NHS: variants seen among roughly 807,000 people sequenced by gnomAD.
NHS encodes actin remodeling regulator NHS.
NHS carries 5 observed loss-of-function variants against 72.5 expected under a neutral mutation model. That is an observed-to-expected ratio of 0.07 (90% CI 0.04 to 0.14). NHS has a LOEUF of 0.14. Ranked by LOEUF, NHS falls within the 10% of genes least tolerant of loss-of-function variation. NHS has a pLI of 1.00. For synonymous variants in NHS, 464 were observed against 547.7 expected, an observed-to-expected ratio of 0.85 and a Z score of 2.13; for missense variants, 1,072 against 1,355.7, an observed-to-expected ratio of 0.79 and a Z score of 3.29.
chrX:17,613,064 C>T (rs1166126506), intron 1 of NHS, among the ~76,000 whole-genome samples: 3 of 108,385 alleles, frequency 2.8e-5, no homozygotes, highest in African/African-American at 6.7e-5. Flanking sequence ...GCAGTAATGA[C>T]GTTGAACAAA....
chrX:17,707,524 G>T (rs1190281984), intron 3 of NHS, among the ~76,000 whole-genome samples: 1 of 111,730 alleles, frequency 9.0e-6, no homozygotes, highest in Non-Finnish European at 1.9e-5. Context: ...TATTGGGAAA[G>T]AAATGAAGGA....
intron 1 of NHS, among the ~76,000 whole-genome samples, chrX:17,606,728 C>T (rs1248422879): frequency 8.9e-6 from 1 of 111,866 alleles, no homozygotes; most frequent in African/African-American, 3.3e-5. Context: ...TTTCAGAAGA[C>T]TGGAGCATGT....
At chrX:17,410,516 C>CTTTTTT (rs200959395) in intron 1 of NHS, among the ~76,000 whole-genome samples, 1 of 82,227 alleles carries the variant, frequency 1.2e-5, no homozygotes, top group Non-Finnish European at 2.3e-5. Context: ...CAACTCTCTG[C>CTTTTTT]TTTTTTTTTT....
intron 1 of NHS, among the ~76,000 whole-genome samples, chrX:17,681,546 C>A (rs1224984931): frequency 9.0e-6 from 1 of 111,422 alleles, no homozygotes; most frequent in Non-Finnish European, 1.9e-5. Flanking sequence ...CAGGACAGGG[C>A]AGCACATCAC....
intron 3 of NHS, among the ~76,000 whole-genome samples, chrX:17,693,494 C>T (rs1226056928): frequency 1.8e-5 from 2 of 111,877 alleles, no homozygotes; most frequent in Non-Finnish European, 3.8e-5. Flanking sequence ...ATTAAAATTG[C>T]GTGTATGACT....
rs374964096 is a variant in NHS at position 17,726,595 on chromosome X, T to C, written c.2489T>C (p.Leu830Ser). The change falls in exon 7 of 9, where the codon TTA becomes TCA. Residue 830 changes from leucine to serine, a missense_variant. Transcript: ENST00000676302. ...GLPDCAWQDY[L>S]DHKRQGRPSI... The stretch of plus-strand genomic sequence containing the variant: ...CCAGATTGTGCCTGGCAGGACTACT[T>C]AGACCACAAGAGGCAGGGAAGACCA... The C allele has an allele frequency of 4.1e-6, 5 of 1,211,897 alleles. No individual in the cohort carries two copies. Among genetic ancestry groups the C allele is most frequent in the Non-Finnish European group, 5.6e-6 (5 of 895,541 alleles).
At chrX:17,546,276 T>C (rs2065292762) in intron 1 of NHS, among the ~76,000 whole-genome samples, 1 of 112,376 alleles carries the variant, frequency 8.9e-6, no homozygotes, top group Admixed American at 9.4e-5. Flanking sequence ...TCCTCCATCC[T>C]GCCATTCTCT....
At chrX:17,378,939 C>T (rs766018927) in intron 1 of NHS, among the ~76,000 whole-genome samples, 17 of 111,818 alleles carry the variant, frequency 1.5e-4, no homozygotes, top group Middle Eastern at 4.7e-3. Flanking sequence ...CAGAGGTCCT[C>T]TGGGGAGGGC....
intron 1 of NHS, among the ~76,000 whole-genome samples, chrX:17,452,250 A>C (rs889670042): frequency 8.9e-6 from 1 of 111,995 alleles, no homozygotes; most frequent in African/African-American, 3.2e-5. Flanking sequence ...AAGGCTTCTC[A>C]AAAGAGGGGA....
Position 17,376,242 on chromosome X carries a change from G to T in NHS, c.485G>T (p.Arg162Leu), listed in dbSNP as rs772008687. ...GAGAGCGACATCCAGCTCACCCACC[G>T]CCGCGTCTGGGCGCTGCAGGGCAAG... ...ELESDIQLTH[R>L]RVWALQGKLG... Residue 162 changes from arginine to leucine, a missense_variant, in exon 1 of 9, where the codon CGC (arginine) becomes CTC (leucine). Transcript: ENST00000676302. 2.5e-6 allele frequency: 3 copies of T among 1,177,115 alleles called. No individual in the cohort carries two copies. The highest frequency in any genetic ancestry group is 1.8e-5 in the South Asian group (1 of 54,057).
intron 1 of NHS, among the ~76,000 whole-genome samples, chrX:17,510,857 A>G (rs1457435750): frequency 8.9e-6 from 1 of 112,457 alleles, no homozygotes; most frequent in African/African-American, 3.2e-5. Flanking sequence ...AATATTCTCC[A>G]TCATTCAGTT....
intron 3 of NHS, among the ~76,000 whole-genome samples, chrX:17,697,448 A>G (rs1043712477): frequency 2.4e-4 from 27 of 111,975 alleles, no homozygotes; most frequent in African/African-American, 6.2e-4. Context: ...CAAAAGGTCA[A>G]TGAAAGAATA....
At chrX:17,661,762 G>A (rs189584445) in intron 1 of NHS, among the ~76,000 whole-genome samples, 101 of 112,120 alleles carry the variant, frequency 9.0e-4, no homozygotes, top group African/African-American at 2.9e-3. Context: ...AGGGCTAGGC[G>A]CGGTGGCTGA....
At chrX:17,465,270 G>A (rs1452138723) in intron 1 of NHS, among the ~76,000 whole-genome samples, 3 of 111,571 alleles carry the variant, frequency 2.7e-5, no homozygotes, top group African/African-American at 9.8e-5. Flanking sequence ...CAAATAAATG[G>A]ATGCAGTTGG....
intron 1 of NHS, among the ~76,000 whole-genome samples, chrX:17,599,112 C>T (rs2065637868): frequency 8.9e-6 from 1 of 112,347 alleles, no homozygotes. Flanking sequence ...ATTTTCTGAA[C>T]ATATCACAAG....
At chrX:17,430,667 A>G (rs2064691016) in intron 1 of NHS, among the ~76,000 whole-genome samples, 1 of 110,987 alleles carries the variant, frequency 9.0e-6, no homozygotes, top group African/African-American at 3.3e-5. Flanking sequence ...CCACCGATGT[A>G]CTTTTTGTTT....
At chrX:17,498,658 T>G (rs2065024107) in intron 1 of NHS, among the ~76,000 whole-genome samples, 2 of 111,620 alleles carry the variant, frequency 1.8e-5, no homozygotes, top group Admixed American at 1.9e-4. Flanking sequence ...AGGTCCAATA[T>G]GATAGTGCCC....
At chrX:17,416,139 G>A (rs766133557) in intron 1 of NHS, among the ~76,000 whole-genome samples, 7 of 111,092 alleles carry the variant, frequency 6.3e-5, no homozygotes, top group Non-Finnish European at 1.3e-4. Flanking sequence ...CTGGGAAGTC[G>A]TTGCTTTCAG....
intron 3 of NHS, among the ~76,000 whole-genome samples, chrX:17,708,704 G>A (rs2066310381): frequency 9.0e-6 from 1 of 111,084 alleles, no homozygotes; most frequent in African/African-American, 3.3e-5. Flanking sequence ...TGAACACTGG[G>A]AGGAAAAGGA....
Sources: allele counts gnomAD v4.1 joint callset (sites outside exome capture counted in the v4.1 genomes callset), GRCh38; gene constraint gnomAD v4.1.1; transcripts MANE v1.5; gene names NCBI Gene and HGNC (gene_info 2026-07-23, HGNC 2026-07-21).